GCLC: variants seen among roughly 807,000 people sequenced by gnomAD.
GCLC encodes the protein glutamate--cysteine ligase catalytic subunit.
A neutral mutation model predicts 81.5 loss-of-function variants in GCLC; 30 were observed. That is an observed-to-expected ratio of 0.37 (90% CI 0.28 to 0.50). The LOEUF (loss-of-function observed/expected upper bound fraction) is 0.50. Among genes scored for constraint, GCLC ranks in the 20% least tolerant of loss-of-function variants. GCLC has a pLI of 0.96. For synonymous variants in GCLC, 262 were observed against 273.3 expected (o/e 0.96, Z 0.41); for missense variants, 556 against 777.4 (o/e 0.72, Z 3.39).
At chr6:53,520,726 A>G (rs1421834296) in intron 3 of GCLC, 52 bp downstream of exon 3, 8 of 1,483,578 alleles carry the variant, frequency 5.4e-6, no homozygotes, top group Non-Finnish European at 7.5e-6. Context: ...TGCTCTTTTC[A>G]TTACCTGTAT....
chr6:53,544,667 CT>C lies in GCLC; in HGVS notation c.-23del. 6.3e-7 allele frequency: 1 copy of C among 1,583,266 alleles called. No individual in the cohort carries two copies. The highest frequency in any genetic ancestry group is 1.1e-5 in the South Asian group (1 of 89,530). ...CCATGGCCGCCCCCTCCTCCTCCTC[CT>C]CCTCCTCCGGGCTGACGGCGGTCGC... On this transcript the variant is annotated 5_prime_UTR_variant, in exon 1 of 16. Transcript: ENST00000650454.
intron 7 of GCLC, 40 bp from the exon 8 acceptor site, chr6:53,508,751 G>T: frequency 7.6e-7 from 1 of 1,322,308 alleles, no homozygotes. Flanking sequence ...AATTCAAAGT[G>T]TCACTTACAT....
intron 1 of GCLC, among the ~76,000 whole-genome samples, chr6:53,532,945 G>A (rs981296267): frequency 2.6e-5 from 4 of 152,190 alleles, no homozygotes; most frequent in East Asian, 3.8e-4. Flanking sequence ...ATCCATCAGA[G>A]TAGAACCTTA....
At chr6:53,517,782 TTTAA>T (rs1762907635) in intron 3 of GCLC, among the ~76,000 whole-genome samples, 1 of 152,166 alleles carries the variant, frequency 6.6e-6, no homozygotes. Context: ...GATGGAAATG[TTTAA>T]TATCTCCACT....
intron 3 of GCLC, among the ~76,000 whole-genome samples, chr6:53,517,254 T>TTTG (rs960335964): frequency 2.3e-5 from 2 of 88,574 alleles, no homozygotes; most frequent in Non-Finnish European, 4.7e-5. Flanking sequence ...ACCAAGTTTT[T>TTTG]TTTTTTTTTT....
intron 1 of GCLC, among the ~76,000 whole-genome samples, chr6:53,535,947 A>G (rs77779982): frequency 0.011 from 1,693 of 152,340 alleles, 33 homozygotes; most frequent in African/African-American, 0.039. Flanking sequence ...CTCCTAGGGT[A>G]ATAAGATGAA....
intron 10 of GCLC, 28 bp from the exon 11 acceptor site, chr6:53,505,923 C>T (rs1764606246): frequency 1.2e-5 from 14 of 1,216,974 alleles, no homozygotes; most frequent in Non-Finnish European, 1.7e-5. Flanking sequence ...AGAAGAAAAC[C>T]AACTTTTCAC....
chr6:53,516,733 T>C (rs1419779432), intron 3 of GCLC, among the ~76,000 whole-genome samples: 1 of 152,214 alleles, frequency 6.6e-6, no homozygotes, highest in Non-Finnish European at 1.5e-5. Flanking sequence ...GGTCACCTCA[T>C]GAGTCCCTCA....
At chr6:53,509,706 T>C (rs1044810277) in intron 6 of GCLC, 3 of 207,002 alleles carry the variant, frequency 1.4e-5, no homozygotes. Context: ...TGGGGTGCAG[T>C]GGCGCGCTCT....
chr6:53,544,446 G>A (rs762397973), intron 1 of GCLC, 50 bp downstream of exon 1: 12 of 1,587,996 alleles, frequency 7.6e-6, no homozygotes, highest in Non-Finnish European at 8.6e-6. Flanking sequence ...AAGGCAGCGC[G>A]GGCGGCCAGA....
rs553966412 is a variant in GCLC, at chr6:53,498,856, C to T, written c.1814G>A (p.Cys605Tyr). 4.5e-5 allele frequency: 72 copies of T among 1,612,186 alleles called. No homozygotes were observed. Among genetic ancestry groups the T allele is most frequent in the Non-Finnish European group, 6.0e-5 (71 of 1,178,350 alleles). The change falls in exon 16 of 16, where the codon TGT (cysteine) becomes TAT (tyrosine). Residue 605 changes from cysteine to tyrosine, a missense_variant. Coordinates refer to ENST00000650454, the MANE Select transcript of GCLC (RefSeq NM_001498.4). ...ACATAATTCATTTGCAATTTGGTTA[C>T]ACTTCAAAATAAGGCTATAATTCAT... ...DEMNYSLILK[C>Y]NQIANELCEC...
At chr6:53,505,630 C>G in intron 11 of GCLC, 134 bp from the exon 12 acceptor site, 1 of 745,210 alleles carries the variant, frequency 1.3e-6, no homozygotes, top group Non-Finnish European at 2.4e-6. Flanking sequence ...AAGCCCTTTG[C>G]CCACATCTAT....
At position 53,509,063 on chromosome 6, in the gene GCLC, A is replaced by G. The variant is rs192400856; in HGVS notation, c.828+113T>C. The G allele has an allele frequency of 9.5e-5, 69 of 723,892 alleles. 1 individual carries two copies. In the East Asian group the frequency reaches 1.8e-3, roughly 19 times the overall value. The allele number at this position is 723,892 out of a possible 1,614,324, so 44.8% of individuals were successfully genotyped here. A position where few individuals can be genotyped will look rare whatever the true frequency, so the allele number is the denominator to read the frequency against. On this transcript the variant is annotated intron_variant, in intron 7 of 15. Transcript: ENST00000650454. ...ACCTACATACTATTTATATTAGTCC[A>G]TCTCTGACTGAGGTCTTAACTGGAC...
Position 53,506,298 on chromosome 6 carries a change from CTGGGAA to C in GCLC, c.1198-409_1198-404del. On this transcript the variant is annotated intron_variant, in intron 10 of 15. Coordinates refer to ENST00000650454, the MANE Select transcript of GCLC (RefSeq NM_001498.4). This position sits in a 1 kb window ranked among gnomAD's most constrained non-coding sequence, Gnocchi z 4.0. ...AGTTGTTTCCTTTCTTCCTCCTCTC[CTGGGAA>C]TGCTGCTGCTTCGATGACCCAAGAG... 1 of 293,716 alleles carries C rather than the reference CTGGGAA, an allele frequency of 3.4e-6. No homozygotes were observed. Among genetic ancestry groups the C allele is most frequent in the East Asian group, 8.9e-5 (1 of 11,252 alleles). 18.2% of individuals were successfully genotyped at this position (293,716 alleles called of 1,614,324 possible).
intron 15 of GCLC, among the ~76,000 whole-genome samples, chr6:53,499,474 G>A (rs1285660188): frequency 6.6e-6 from 1 of 152,174 alleles, no homozygotes. Flanking sequence ...GCTATCCTTT[G>A]TGACTCCAGA....
intron 6 of GCLC, among the ~76,000 whole-genome samples, chr6:53,511,199 A>T (rs75616022): frequency 8.7e-5 from 7 of 80,168 alleles, no homozygotes; most frequent in African/African-American, 2.9e-4. Context: ...GAAAAAAAAA[A>T]GTGGGGGGGG....
chr6:53,540,033 A>G (rs754812190), intron 1 of GCLC, among the ~76,000 whole-genome samples: 1 of 152,234 alleles, frequency 6.6e-6, no homozygotes, highest in Non-Finnish European at 1.5e-5. Flanking sequence ...TGTGAACCAT[A>G]GTAAGAAATA....
At position 53,514,246 on chromosome 6, in the gene GCLC, G is replaced by A. The variant is rs1764815802; in HGVS notation, c.711C>T (p.Tyr237=). 6.2e-7 allele frequency: 1 copy of A among 1,613,594 alleles called. No individual in the cohort carries two copies. Among genetic ancestry groups the A allele is most frequent in the African/African-American group, 1.3e-5 (1 of 74,940 alleles). ...CCATTCCAAATCCCATGGCATCCAT[G>A]TAAATATGATCCGGCTTAGAAGCCC... is the stretch of plus-strand genomic sequence containing the variant. ...ASRASKPDHI[Y]MDAMGFGMGN... is the part of the protein sequence containing the mutation. Residue 237 remains tyrosine, a synonymous_variant, in exon 6 of 16, where the codon TAC becomes TAT. Transcript: ENST00000650454.
chr6:53,533,446 C>T (rs1763205351), intron 1 of GCLC, among the ~76,000 whole-genome samples: 2 of 152,198 alleles, frequency 1.3e-5, no homozygotes, highest in Admixed American at 1.3e-4. Context: ...TGCCATCATT[C>T]TTCCTACACA....
Sources: gnomAD v4.1 joint callset for allele counts (sites outside exome capture counted in the v4.1 genomes callset) on GRCh38, gnomAD v4.1.1 for gene constraint, Gnocchi (gnomAD v3.1) non-coding constraint, MANE v1.5 for transcripts, NCBI Gene and HGNC (gene_info 2026-07-23, HGNC 2026-07-21) for gene names.